SHB: variants seen among roughly 807,000 people sequenced by gnomAD.
SHB encodes the protein SH2 domain containing adaptor protein B.
A neutral mutation model predicts 52.3 loss-of-function variants in SHB; 20 were observed. That is an observed-to-expected ratio of 0.38 (90% CI 0.27 to 0.56). SHB has a LOEUF of 0.56. SHB is among the 20% of genes least tolerant of loss of function. The pLI, the probability that SHB is intolerant of heterozygous loss-of-function variation, is 0.71. For missense variants in SHB, 825 were observed against 723.3 expected, an observed-to-expected ratio of 1.14 and a Z score of -1.61; for synonymous variants, 397 against 316.5, an observed-to-expected ratio of 1.25 and a Z score of -2.70.
At position 38,004,039 on chromosome 9, in the gene SHB, A is replaced by T. The variant is rs1821050964; in HGVS notation, c.838+11972T>A. Reference sequence around the variant, plus strand: ...AGCCCAGGGTCCATCCGGCCCATTGACTGCCTGCCCTGCTCCTGCCTGGGC... The same window carrying T: ...AGCCCAGGGTCCATCCGGCCCATTGTCTGCCTGCCCTGCTCCTGCCTGGGC... On this transcript the variant is annotated intron_variant, in intron 2 of 5. Coordinates refer to ENST00000377707, the MANE Select transcript of SHB (RefSeq NM_003028.3). 2.0e-5 allele frequency among the ~76,000 whole-genome samples: 3 copies of T among 152,106 alleles called. No individual in the cohort carries two copies. The South Asian group carries it at 6.2e-4, about 31-fold the overall frequency.
At chr9:38,042,058 T>A (rs1272843360) in intron 1 of SHB, among the ~76,000 whole-genome samples, 2 of 152,146 alleles carry the variant, frequency 1.3e-5, no homozygotes, top group Non-Finnish European at 2.9e-5. Flanking sequence ...GGGGGAAACG[T>A]GCCGACGTCT....
intron 1 of SHB, among the ~76,000 whole-genome samples, chr9:38,016,667 C>G (rs1417736195): frequency 2.0e-5 from 3 of 152,190 alleles, no homozygotes; most frequent in Admixed American, 1.3e-4. Context: ...GTGAGATCAA[C>G]TACATACAAA....
chr9:38,053,623 G>A lies in SHB; in HGVS notation c.717+14306C>T, dbSNP rs549559501. On this transcript the variant is annotated intron_variant, in intron 1 of 5. Transcript: ENST00000377707. ...ATACCTCAAGCTCTTAGAACAGAGT[G>A]GTGATCCCAGGTAAAGCTTAACCGT... Among the ~76,000 whole-genome samples, 6 of 152,162 alleles carry A rather than the reference G, an allele frequency of 3.9e-5. No individual in the cohort carries two copies. The East Asian group carries it at 1.2e-3, about 29-fold the overall frequency.
intron 5 of SHB, among the ~76,000 whole-genome samples, chr9:37,944,245 AC>A (rs1832467344): frequency 2.0e-5 from 3 of 152,124 alleles, no homozygotes; most frequent in African/African-American, 7.2e-5. Flanking sequence ...ACTGTGGGTC[AC>A]TGCAAGTGCA....
chr9:37,942,682 T>C (rs982877377), intron 5 of SHB, among the ~76,000 whole-genome samples: 2 of 152,252 alleles, frequency 1.3e-5, no homozygotes, highest in African/African-American at 4.8e-5. Flanking sequence ...TGCAGTACCT[T>C]GCCCAGCATC....
At chr9:37,981,917 C>A (rs1230652346) in intron 2 of SHB, among the ~76,000 whole-genome samples, 1 of 152,092 alleles carries the variant, frequency 6.6e-6, no homozygotes, top group Non-Finnish European at 1.5e-5. Flanking sequence ...AAAACAATTA[C>A]AACAGTAACA....
intron 5 of SHB, among the ~76,000 whole-genome samples, chr9:37,937,960 A>G (rs1832393014): frequency 6.6e-6 from 1 of 152,110 alleles, no homozygotes; most frequent in Non-Finnish European, 1.5e-5. Flanking sequence ...GACTCCCCAA[A>G]AGTCTGGGGA....
intron 2 of SHB, chr9:38,015,446 G>A (rs1473245775): frequency 5.7e-6 from 4 of 702,996 alleles, no homozygotes. Flanking sequence ...CAGGAAAACA[G>A]CCACTGGGGG....
chr9:37,928,074 G>A lies in SHB; in HGVS notation c.1347-8070C>T, dbSNP rs1341291832. On this transcript the variant is annotated intron_variant, in intron 5 of 5. Transcript: ENST00000377707. ...CCCAAAGGGAGGAAGTTCAAAGTCT[G>A]ATCCCACTGATATCATTGGCTGGGC... 2.0e-5 allele frequency among the ~76,000 whole-genome samples: 3 copies of A among 152,036 alleles called. No homozygotes were observed. In the East Asian group the frequency reaches 5.8e-4, roughly 29 times the overall value.
At chr9:37,935,677 T>A (rs1228920382) in intron 5 of SHB, among the ~76,000 whole-genome samples, 16 of 152,122 alleles carry the variant, frequency 1.1e-4, no homozygotes, top group Admixed American at 9.8e-4. Context: ...ATTGTACAGA[T>A]GCAGAAATGG....
chr9:37,981,408 C>T (rs1248747871), intron 2 of SHB, among the ~76,000 whole-genome samples: 2 of 152,236 alleles, frequency 1.3e-5, no homozygotes, highest in African/African-American at 4.8e-5. Context: ...TCAGCCTTCA[C>T]AGAATTGAAG....
At chr9:38,063,270 C>A (rs940580629) in intron 1 of SHB, among the ~76,000 whole-genome samples, 2 of 152,324 alleles carry the variant, frequency 1.3e-5, no homozygotes, top group Admixed American at 6.5e-5. Flanking sequence ...TCATGTTTGA[C>A]CCCGGCTTCA....
chr9:37,943,141 G>A (rs1325181919), intron 5 of SHB, among the ~76,000 whole-genome samples: 1 of 152,164 alleles, frequency 6.6e-6, no homozygotes, highest in Admixed American at 6.5e-5. Flanking sequence ...TCTTAGGCAA[G>A]CTCCGCCCTG....
chr9:38,038,929 C>A (rs1821527914), intron 1 of SHB, among the ~76,000 whole-genome samples: 1 of 152,124 alleles, frequency 6.6e-6, no homozygotes, highest in South Asian at 2.1e-4. Flanking sequence ...AGGAATGGAG[C>A]GGGTGGGATC....
chr9:37,987,537 G>A (rs1244201578), intron 2 of SHB, among the ~76,000 whole-genome samples: 1 of 152,246 alleles, frequency 6.6e-6, no homozygotes, highest in African/African-American at 2.4e-5. Flanking sequence ...GAAGAGCCCA[G>A]TCCCAGCTCC....
intron 3 of SHB, among the ~76,000 whole-genome samples, chr9:37,959,577 A>G (rs984544359): frequency 3.9e-5 from 6 of 152,194 alleles, no homozygotes; most frequent in African/African-American, 1.4e-4. Flanking sequence ...ATTTCTGCCA[A>G]TATAAATCTC....
chr9:38,036,102 C>T (rs1177077073), intron 1 of SHB, among the ~76,000 whole-genome samples: 1 of 152,122 alleles, frequency 6.6e-6, no homozygotes, highest in African/African-American at 2.4e-5. Context: ...CCTGCAGCAC[C>T]CAGGCACAGA....
intron 3 of SHB, among the ~76,000 whole-genome samples, chr9:37,972,389 G>T (rs1403392008): frequency 6.6e-6 from 1 of 152,160 alleles, no homozygotes; most frequent in East Asian, 1.9e-4. Context: ...GAGACCTGGG[G>T]CAACTAAGGA....
At chr9:37,968,911 TGGTATAC>T (rs1820562144) in intron 3 of SHB, among the ~76,000 whole-genome samples, 2 of 152,140 alleles carry the variant, frequency 1.3e-5, no homozygotes, top group Non-Finnish European at 2.9e-5. Context: ...TGGGACTCTA[TGGTATAC>T]GGGCCCCTCT....
Sources: allele counts gnomAD v4.1 joint callset (sites outside exome capture counted in the v4.1 genomes callset), GRCh38; gene constraint gnomAD v4.1.1; transcripts MANE v1.5; gene names NCBI Gene and HGNC (gene_info 2026-07-23, HGNC 2026-07-21).